The following TMEM45A variants were observed in gnomAD, a reference collection of about 807,000 sequenced individuals.
The protein encoded by TMEM45A is DNA polymerase-transactivated protein 4.
A neutral mutation model predicts 32.0 loss-of-function variants in TMEM45A; 25 were observed. The ratio of observed to expected loss-of-function variants is 0.78; its 90% CI spans 0.57 to 1.09. TMEM45A has a LOEUF of 1.09. Ranked by LOEUF, TMEM45A falls within the 50% of genes least tolerant of loss-of-function variation. TMEM45A has a pLI of 0.00. For missense variants in TMEM45A, 302 were observed against 325.0 expected (o/e 0.93, Z 0.54); for synonymous variants, 122 against 114.8 (o/e 1.06, Z -0.40).
intron 1 of TMEM45A, among the ~76,000 whole-genome samples, chr3:100,494,138 T>C (rs1426476833): frequency 2.0e-5 from 3 of 152,226 alleles, no homozygotes; most frequent in Non-Finnish European, 2.9e-5. Flanking sequence ...AGAAACAGAA[T>C]GATGAAAAAT....
intron 4 of TMEM45A, among the ~76,000 whole-genome samples, chr3:100,567,951 A>AT (rs907028986): frequency 1.8e-4 from 28 of 151,724 alleles, no homozygotes; most frequent in African/African-American, 6.1e-4. Flanking sequence ...TGCCTGGCTA[A>AT]TTTTTTTGTA....
At chr3:100,516,136 T>TA (rs1279048905) in intron 1 of TMEM45A, among the ~76,000 whole-genome samples, 1 of 152,194 alleles carries the variant, frequency 6.6e-6, no homozygotes, top group East Asian at 1.9e-4. Context: ...TATGTATCAG[T>TA]AAAAAATGTT....
intron 1 of TMEM45A, among the ~76,000 whole-genome samples, chr3:100,536,338 A>G (rs1705739083): frequency 6.6e-6 from 1 of 152,196 alleles, no homozygotes. Flanking sequence ...GAGAGTCTGT[A>G]TTTCCAACCA....
intron 4 of TMEM45A, among the ~76,000 whole-genome samples, chr3:100,562,636 C>T (rs1372627205): frequency 1.3e-5 from 2 of 152,198 alleles, no homozygotes; most frequent in African/African-American, 4.8e-5. Flanking sequence ...TGACAAGTCC[C>T]TGGGCCTGCA....
intron 1 of TMEM45A, among the ~76,000 whole-genome samples, chr3:100,552,653 G>T (rs1381367467): frequency 1.3e-5 from 2 of 152,214 alleles, no homozygotes; most frequent in Non-Finnish European, 2.9e-5. Flanking sequence ...TAGGTGGGTT[G>T]ATAAGATGAT....
chr3:100,528,391 T>A (rs1705587334), intron 1 of TMEM45A, among the ~76,000 whole-genome samples: 1 of 152,222 alleles, frequency 6.6e-6, no homozygotes, highest in Non-Finnish European at 1.5e-5. Context: ...TGGTTCATTT[T>A]CATTTACTTT....
intron 1 of TMEM45A, among the ~76,000 whole-genome samples, chr3:100,509,625 C>T (rs966543023): frequency 2.0e-5 from 3 of 152,084 alleles, no homozygotes; most frequent in Non-Finnish European, 4.4e-5. Flanking sequence ...CCAAGATGGC[C>T]AAATAGGAAC....
At chr3:100,543,407 C>T (rs1216137124) in intron 1 of TMEM45A, among the ~76,000 whole-genome samples, 1 of 152,184 alleles carries the variant, frequency 6.6e-6, no homozygotes, top group Non-Finnish European at 1.5e-5. Flanking sequence ...GCATTTTCAA[C>T]TGTCCTAGCT....
chr3:100,500,836 G>A lies in TMEM45A; in HGVS notation c.-4+7908G>A, dbSNP rs149245471. Among the ~76,000 whole-genome samples the A allele has an allele frequency of 3.1e-3, 473 of 152,358 alleles. 4 individuals carry two copies. The highest frequency in any genetic ancestry group is 5.1e-3 in the Non-Finnish European group (349 of 68,042). On this transcript the variant is annotated intron_variant, in intron 1 of 5. Transcript: ENST00000323523. ...AGCAAGGTGGTGCTTTCCACAGCAA[G>A]GAAGTGGGTGGTATGCCTGCACCTT... is the stretch of plus-strand genomic sequence containing the variant.
intron 1 of TMEM45A, among the ~76,000 whole-genome samples, chr3:100,493,339 A>T (rs1707875531): frequency 6.6e-6 from 1 of 152,052 alleles, no homozygotes; most frequent in African/African-American, 2.4e-5. Flanking sequence ...TGAGAAAATT[A>T]TCTGATCTTT....
At chr3:100,539,056 C>G (rs528403536) in intron 1 of TMEM45A, among the ~76,000 whole-genome samples, 7 of 152,246 alleles carry the variant, frequency 4.6e-5, no homozygotes, top group African/African-American at 1.7e-4. Context: ...AATGCAATCC[C>G]AGTCAAAATC....
At chr3:100,569,131 A>G (rs1324634338) in intron 5 of TMEM45A, among the ~76,000 whole-genome samples, 164 bp downstream of exon 5, 1 of 152,166 alleles carries the variant, frequency 6.6e-6, no homozygotes, top group Non-Finnish European at 1.5e-5. Context: ...AATTCCCAGT[A>G]AAAAGAATAA....
intron 1 of TMEM45A, among the ~76,000 whole-genome samples, chr3:100,515,566 C>G (rs1175083776): frequency 1.3e-5 from 2 of 149,588 alleles, no homozygotes; most frequent in Admixed American, 1.3e-4. Context: ...CAGCATGGCA[C>G]ATGTATTCAT....
intron 1 of TMEM45A, among the ~76,000 whole-genome samples, chr3:100,530,488 T>C (rs1705625455): frequency 6.6e-6 from 1 of 152,232 alleles, no homozygotes; most frequent in Non-Finnish European, 1.5e-5. Flanking sequence ...AGTCTACTGA[T>C]TTAAATGTTA....
chr3:100,555,868 A>G (rs1050004935), intron 2 of TMEM45A, among the ~76,000 whole-genome samples: 4 of 152,262 alleles, frequency 2.6e-5, no homozygotes, highest in Admixed American at 6.5e-5. Context: ...TAACATTTCC[A>G]AAGAGGGAAA....
At chr3:100,493,120 C>CTTTTTTT (rs570241165) in intron 1 of TMEM45A, among the ~76,000 whole-genome samples, 192 bp downstream of exon 1, 24 of 115,896 alleles carry the variant, frequency 2.1e-4, no homozygotes, top group African/African-American at 3.1e-4. Context: ...GTTTGCTATT[C>CTTTTTTT]TTTTTTTTTT....
chr3:100,542,113 T>A (rs758703121), intron 1 of TMEM45A, among the ~76,000 whole-genome samples: 1 of 152,212 alleles, frequency 6.6e-6, no homozygotes, highest in Non-Finnish European at 1.5e-5. Flanking sequence ...TTCTTTTTGC[T>A]TAGGATTGCT....
At chr3:100,527,597 A>C (rs746253174) in intron 1 of TMEM45A, among the ~76,000 whole-genome samples, 4 of 152,192 alleles carry the variant, frequency 2.6e-5, no homozygotes, top group Admixed American at 6.5e-5. Flanking sequence ...TATTTTTAAC[A>C]TCTGAAGATT....
rs375453614 is a variant in TMEM45A, at chr3:100,576,904, G to C, written c.735-21G>C. 2.6e-6 allele frequency: 4 copies of C among 1,564,824 alleles called. No homozygotes were observed. In the African/African-American group the frequency reaches 5.4e-5, roughly 21 times the overall value. On this transcript the variant is annotated intron_variant, in intron 5 of 5. Coordinates refer to ENST00000323523, the MANE Select transcript of TMEM45A (RefSeq NM_018004.3). ...CTATTTTAAAAACCGTCTAACTTGA[G>C]ATGCTTTTCTTTCTCCTCAGGTTGG...
Sources: allele counts gnomAD v4.1 joint callset (sites outside exome capture counted in the v4.1 genomes callset), GRCh38; gene constraint gnomAD v4.1.1; transcripts MANE v1.5; gene names NCBI Gene and HGNC (gene_info 2026-07-23, HGNC 2026-07-21).